Variants in MYH3 observed in about 807,000 individuals in gnomAD.
MYH3 encodes myosin heavy chain 3, also known as myosin-3.
Under a neutral mutation model 238.0 loss-of-function variants are expected in MYH3, and 130 were observed. That is an observed-to-expected ratio of 0.55 (90% CI 0.47 to 0.63). The LOEUF (loss-of-function observed/expected upper bound fraction) is 0.63, where lower values mean the gene tolerates loss of function less well. Among genes scored for constraint, MYH3 ranks in the 30% least tolerant of loss-of-function variants. MYH3 has a pLI of 0.00. For synonymous variants in MYH3, 880 were observed against 924.1 expected (o/e 0.95, Z 0.86); for missense variants, 1,853 against 2,374.9 (o/e 0.78, Z 4.57).
chr17:10,677,866 C>T, the MYH3 span: 1 of 152,340 alleles, frequency 6.6e-6, no homozygotes, highest in Non-Finnish European at 1.5e-5. Context: ...CCTGTAATCC[C>T]AGCACTTTGG....
intron 5 of MYH3, among the ~76,000 whole-genome samples, chr17:10,650,629 T>C (rs189485394): frequency 5.9e-5 from 9 of 152,332 alleles, no homozygotes; most frequent in Admixed American, 2.0e-4. Context: ...CATGATGATT[T>C]GATATATGTT....
In MYH3 at chr17:10,635,870, A is replaced by T; in HGVS notation, c.3857-17T>A. 6.3e-7 allele frequency: 1 copy of T among 1,595,866 alleles called. No individual in the cohort carries two copies. Among genetic ancestry groups the T allele is most frequent in the African/African-American group, 1.3e-5 (1 of 74,626 alleles). On this transcript the variant is annotated splice_polypyrimidine_tract_variant and intron_variant, in intron 28 of 40. Coordinates refer to ENST00000583535, the MANE Select transcript of MYH3 (RefSeq NM_002470.4). ...TCAGCTCACCTGTGTCCAGAAGGAA[A>T]TAGTTTCATTTCATTTATTCACTCA...
the MYH3 span, among the ~76,000 whole-genome samples, chr17:10,668,361 C>G: frequency 6.6e-6 from 1 of 152,370 alleles, no homozygotes; most frequent in South Asian, 2.1e-4. Context: ...CACCACTGTA[C>G]TCCAGCCTGG....
In MYH3 at chr17:10,647,639, G is replaced by T. The variant is rs376841539; in HGVS notation, c.736-213C>A. ...GGCTCACTGCAACCTCTGCCTCCCG[G>T]GTTCAAGTGATTCTCCTGCCTCAGC... On this transcript the variant is annotated intron_variant, in intron 8 of 40. Coordinates refer to ENST00000583535, the MANE Select transcript of MYH3 (RefSeq NM_002470.4). Among the ~76,000 whole-genome samples, 436 of 152,284 alleles carry T rather than the reference G, an allele frequency of 2.9e-3. 4 individuals carry two copies. Among genetic ancestry groups the T allele is most frequent in the African/African-American group, 9.7e-3 (402 of 41,552 alleles).
In MYH3 at chr17:10,641,127, T is replaced by C; in HGVS notation, c.2123A>G (p.Lys708Arg). 9 of 1,613,684 alleles carry C rather than the reference T, an allele frequency of 5.6e-6. No homozygotes were observed. The highest frequency in any genetic ancestry group is 7.6e-6 in the Non-Finnish European group (9 of 1,179,948). ...ATAGAGAATCCTGTTTGGGAACCCT[T>C]TCCTGCAGATGCGGATGCCCTCCAG... ...GVLEGIRICR[K>R]GFPNRILYGD... Residue 708 changes from lysine to arginine, a missense_variant, in exon 19 of 41, where the codon AAA becomes AGA. Physicochemically the swap from Lys to Arg is conservative, Grantham distance 26 (BLOSUM62 2). Around this residue, in one of 3 missense-constraint regions of MYH3, gnomAD observed 678 missense variants for 1,058.9 expected, o/e 0.64. Transcript: ENST00000583535.
At chr17:10,664,638 A>AG in the MYH3 span, among the ~76,000 whole-genome samples, 1 of 147,556 alleles carries the variant, frequency 6.8e-6, no homozygotes, top group African/African-American at 2.4e-5. Context: ...ACCTAAGGAG[A>AG]GGACTCAAGA....
At chr17:10,633,833 CTAGAGA>C in intron 32 of MYH3, 118 bp from the exon 33 acceptor site, 1 of 1,516,814 alleles carries the variant, frequency 6.6e-7, no homozygotes, top group Non-Finnish European at 9.1e-7. Context: ...TTCCTGCTTC[CTAGAGA>C]TAAGATATTG....
chr17:10,630,065 C>T (rs760132566), intron 38 of MYH3, 27 bp downstream of exon 38: 11 of 1,609,452 alleles, frequency 6.8e-6, no homozygotes, highest in African/African-American at 1.3e-5. Flanking sequence ...ACAGAGGACA[C>T]GATCATGGCG....
Position 10,639,058 on chromosome 17 carries a change from G to A in MYH3, c.3234C>T (p.Asp1078=), listed in dbSNP as rs1417554521. The A allele has an allele frequency of 4.3e-6, 7 of 1,614,082 alleles. No homozygotes were observed. Among genetic ancestry groups the A allele is most frequent in the Middle Eastern group, 1.6e-4 (1 of 6,084 alleles). ...LDLENDKQQL[D]ERLKKKDFEY... The stretch of plus-strand genomic sequence containing the variant: ...GAAGGGCATACTTCTTGAGCCTTTC[G>A]TCCAGCTGTTGCTTGTCATTCTCCA... The change falls in exon 25 of 41, where the codon GAC becomes GAT. Residue 1078 remains aspartate (D), a synonymous_variant. Transcript: ENST00000583535.
chr17:10,652,184 G>T, intron 4 of MYH3: 1 of 601,072 alleles, frequency 1.7e-6, no homozygotes, highest in Non-Finnish European at 3.0e-6. Context: ...CCGTGACCAA[G>T]CCTGGCCCCA....
rs1179187229 is a variant in MYH3 at position 10,650,387 on chromosome 17, A to T, written c.520T>A (p.Ser174Thr). 6.2e-7 allele frequency: 1 copy of T among 1,612,810 alleles called. No homozygotes were observed. The highest frequency in any genetic ancestry group is 8.5e-7 in the Non-Finnish European group (1 of 1,178,854). Residue 174 changes from serine (S) to threonine (T), a missense_variant, in exon 6 of 41, where the codon TCC becomes ACC. Physicochemically the swap from Ser to Thr is moderately conservative, Grantham distance 58. Coordinates refer to ENST00000583535, the MANE Select transcript of MYH3 (RefSeq NM_002470.4). ...QFMLTDRENQSILITGESGAG... is the reference protein window; with the variant it reads ...QFMLTDRENQTILITGESGAG... ...ATGGATACTTACGTGATCAGAATGG[A>T]CTGGTTTTCACGATCTGCCAGAGGA...
intron 10 of MYH3, 70 bp downstream of exon 10, chr17:10,647,112 A>T: frequency 8.9e-7 from 1 of 1,119,726 alleles, no homozygotes; most frequent in Non-Finnish European, 1.4e-6. Flanking sequence ...CTACGTAGAT[A>T]CAACTCTCCT....
At chr17:10,632,929 T>C in intron 33 of MYH3, 145 bp from the exon 34 acceptor site, 1 of 958,242 alleles carries the variant, frequency 1.0e-6, no homozygotes, top group South Asian at 1.4e-5. Flanking sequence ...GTCCCCAAAT[T>C]GGCCGGGTGC....
Position 10,641,378 on chromosome 17 carries a change from AG to A in MYH3, c.1960-7del, listed in dbSNP as rs761501778. 1 of 1,528,934 alleles carries A rather than the reference AG, an allele frequency of 6.5e-7. No homozygotes were observed. Among genetic ancestry groups the A allele is most frequent in the Middle Eastern group, 1.7e-4 (1 of 5,902 alleles). The allele number at this position is 1,528,934 out of a possible 1,614,324, so 94.7% of individuals were successfully genotyped here. A position where few individuals can be genotyped will look rare whatever the true frequency, so the allele number is the denominator to read the frequency against. On this transcript the variant is annotated splice_region_variant and splice_polypyrimidine_tract_variant and intron_variant, in intron 17 of 40. Transcript: ENST00000583535. ...ATCAGCTTGTTCAGGTTTTCCTAAG[AG>A]AAAAAAAAAATGACATTTGCCATCC...
chr17:10,650,353 C>T (rs753551160), intron 6 of MYH3, 21 bp downstream of exon 6: 1 of 1,605,952 alleles, frequency 6.2e-7, no homozygotes, highest in Non-Finnish European at 8.5e-7. Context: ...TATGAAACCA[C>T]TCTATGCCAT....
the MYH3 span, chr17:10,676,610 C>T: frequency 5.3e-5 from 8 of 152,134 alleles, no homozygotes; most frequent in African/African-American, 1.9e-4. Flanking sequence ...AGTTTTCTTT[C>T]GGTTAAATAC....
intron 28 of MYH3, among the ~76,000 whole-genome samples, chr17:10,636,403 C>G (rs1334845507): frequency 1.3e-5 from 2 of 151,818 alleles, no homozygotes; most frequent in Non-Finnish European, 2.9e-5. Flanking sequence ...ACCAGGAGCA[C>G]CTAATAACTC....
chr17:10,648,249 C>T (rs2074342442), intron 8 of MYH3, among the ~76,000 whole-genome samples: 3 of 152,096 alleles, frequency 2.0e-5, no homozygotes, highest in South Asian at 2.1e-4. Context: ...GCCCTTCCTT[C>T]GTTCCCCCTC....
chr17:10,653,584 AC>A (rs1416128317), intron 3 of MYH3, among the ~76,000 whole-genome samples: 15 of 151,952 alleles, frequency 9.9e-5, no homozygotes, highest in Admixed American at 9.2e-4. Context: ...AGCAGGACAA[AC>A]CCCCACACCC....
Sources: gnomAD v4.1 joint callset for allele counts (sites outside exome capture counted in the v4.1 genomes callset) on GRCh38, gnomAD v4.1.1 for gene constraint, gnomAD v4.1.1 regional missense constraint, MANE v1.5 for transcripts, NCBI Gene and HGNC (gene_info 2026-07-23, HGNC 2026-07-21) for gene names.